The following DACH1 variants were observed in gnomAD, a reference collection of about 807,000 sequenced individuals.
DACH1 encodes dachshund homolog 1.
DACH1 carries 12 observed loss-of-function variants against 54.2 expected under a neutral mutation model. That is an observed-to-expected ratio of 0.22 (90% confidence interval 0.14 to 0.36). The LOEUF is 0.36. Among genes scored for constraint, DACH1 ranks in the 10% least tolerant of loss-of-function variants. The probability of loss-of-function intolerance (pLI) is 1.00; values close to 1 mark genes in which losing one functional copy is unlikely to be tolerated. For synonymous variants in DACH1, 386 were observed against 366.2 expected (o/e 1.05, Z -0.62); for missense variants, 805 against 929.8 (o/e 0.87, Z 1.75).
intron 1 of DACH1, among the ~76,000 whole-genome samples, chr13:71,729,513 C>T (rs1883641578): frequency 6.6e-6 from 1 of 151,978 alleles, no homozygotes; most frequent in Non-Finnish European, 1.5e-5. Context: ...GGATTGATAT[C>T]CATAAAATGA....
chr13:71,651,764 T>G (rs1404374950), intron 2 of DACH1, among the ~76,000 whole-genome samples: 3 of 152,150 alleles, frequency 2.0e-5, no homozygotes, highest in Non-Finnish European at 2.9e-5. Flanking sequence ...AATGTATGCA[T>G]CATAAGCTTC....
At chr13:71,575,252 G>A (rs775762917) in intron 3 of DACH1, among the ~76,000 whole-genome samples, 14 of 151,834 alleles carry the variant, frequency 9.2e-5, no homozygotes, top group Non-Finnish European at 5.9e-5. Context: ...GAAATAATAA[G>A]TAATTTTCTC....
At chr13:71,668,585 T>C (rs1594074193) in intron 2 of DACH1, among the ~76,000 whole-genome samples, 1 of 152,102 alleles carries the variant, frequency 6.6e-6, no homozygotes, top group Non-Finnish European at 1.5e-5. Context: ...AAAAATATTT[T>C]ATTTGATCTA....
chr13:71,663,794 TCAC>T (rs1879659779), intron 2 of DACH1, among the ~76,000 whole-genome samples: 1 of 151,956 alleles, frequency 6.6e-6, no homozygotes, highest in African/African-American at 2.4e-5. Context: ...AAAAACCAAT[TCAC>T]CAGGTATTTG....
intron 3 of DACH1, among the ~76,000 whole-genome samples, chr13:71,603,348 G>A (rs186663471): frequency 6.6e-6 from 1 of 152,084 alleles, no homozygotes; most frequent in East Asian, 1.9e-4. Flanking sequence ...GTCACTGTAA[G>A]AGGGCAGTAT....
intron 1 of DACH1, among the ~76,000 whole-genome samples, chr13:71,724,704 T>C (rs1359749674): frequency 6.6e-6 from 1 of 152,116 alleles, no homozygotes; most frequent in Non-Finnish European, 1.5e-5. Flanking sequence ...AGAAAGAAAC[T>C]ATGTTATGCC....
chr13:71,845,471 A>ACAAGTTCTTT (rs1161536208), intron 1 of DACH1, among the ~76,000 whole-genome samples: 2 of 152,218 alleles, frequency 1.3e-5, no homozygotes, highest in Non-Finnish European at 2.9e-5. Flanking sequence ...GGAAGAACTT[A>ACAAGTTCTTT]TACAAGTGGG....
intron 1 of DACH1, among the ~76,000 whole-genome samples, chr13:71,708,852 G>GTTTTTTTTTTT (rs11322352): frequency 5.0e-5 from 6 of 120,392 alleles, no homozygotes; most frequent in Non-Finnish European, 9.6e-5. Context: ...GTTTTTTGTT[G>GTTTTTTTTTTT]TTTTTTTTTT....
At chr13:71,582,796 T>A (rs953147662) in intron 3 of DACH1, among the ~76,000 whole-genome samples, 1 of 152,160 alleles carries the variant, frequency 6.6e-6, no homozygotes, top group Non-Finnish European at 1.5e-5. Context: ...CATCAGTTTT[T>A]CATAGGCATT....
At chr13:71,710,488 GTGTGTT>G (rs1882671564) in intron 1 of DACH1, among the ~76,000 whole-genome samples, 3 of 143,618 alleles carry the variant, frequency 2.1e-5, no homozygotes, top group East Asian at 4.0e-4. Context: ...GTGTGTGTGT[GTGTGTT>G]TATGTGTGTG....
intron 1 of DACH1, among the ~76,000 whole-genome samples, chr13:71,756,430 C>T (rs1885160075): frequency 1.3e-5 from 2 of 151,950 alleles, no homozygotes; most frequent in South Asian, 2.1e-4. Context: ...AATTGAACAT[C>T]CACCCTCATT....
chr13:71,525,038 C>T (rs1881860527), intron 6 of DACH1, among the ~76,000 whole-genome samples: 1 of 152,148 alleles, frequency 6.6e-6, no homozygotes. Flanking sequence ...ATTTCAATCG[C>T]CCTATGGCAG....
chr13:71,618,067 C>T (rs1411994638), intron 3 of DACH1, among the ~76,000 whole-genome samples: 1 of 152,024 alleles, frequency 6.6e-6, no homozygotes, highest in African/African-American at 2.4e-5. Flanking sequence ...AATGCATCCT[C>T]TTTTTGTCAG....
chr13:71,815,859 G>A (rs1461893769), intron 1 of DACH1, among the ~76,000 whole-genome samples: 1 of 152,112 alleles, frequency 6.6e-6, no homozygotes, highest in African/African-American at 2.4e-5. Context: ...GCCGAGGCGG[G>A]CGGATCACGA....
chr13:71,735,331 ATACGGGATATACG>A (rs1280842633), intron 1 of DACH1, among the ~76,000 whole-genome samples: 5 of 52,954 alleles, frequency 9.4e-5, no homozygotes, highest in East Asian at 8.3e-4. Context: ...ATATACACGT[ATACGGGATATACG>A]TGTATATGGG....
intron 1 of DACH1, among the ~76,000 whole-genome samples, chr13:71,773,527 C>T (rs1186647797): frequency 1.3e-5 from 2 of 151,842 alleles, no homozygotes; most frequent in African/African-American, 4.8e-5. Flanking sequence ...ACCAAAGCAC[C>T]AATTTTTGGT....
At chr13:71,723,668 A>C (rs1883337113) in intron 1 of DACH1, among the ~76,000 whole-genome samples, 1 of 151,834 alleles carries the variant, frequency 6.6e-6, no homozygotes, top group African/African-American at 2.4e-5. Flanking sequence ...TAAATGATAA[A>C]TTATTGTTTT....
intron 6 of DACH1, among the ~76,000 whole-genome samples, chr13:71,492,285 G>A (rs1879044372): frequency 1.3e-5 from 2 of 151,848 alleles, no homozygotes; most frequent in South Asian, 4.1e-4. Context: ...TTCACAGAGG[G>A]AATTAAGTTA....
intron 2 of DACH1, among the ~76,000 whole-genome samples, chr13:71,658,803 T>C (rs1879307200): frequency 6.6e-6 from 1 of 152,140 alleles, no homozygotes; most frequent in Non-Finnish European, 1.5e-5. Context: ...AATGTGTACA[T>C]AGTTTCAAAG....
Sources: gnomAD v4.1 joint callset for allele counts (sites outside exome capture counted in the v4.1 genomes callset) on GRCh38, gnomAD v4.1.1 for gene constraint, MANE v1.5 for transcripts, NCBI Gene and HGNC (gene_info 2026-07-23, HGNC 2026-07-21) for gene names.